Variants in CDC42BPG observed in about 807,000 individuals in gnomAD.
The protein encoded by CDC42BPG is serine/threonine-protein kinase MRCK gamma.
A neutral mutation model predicts 192.2 loss-of-function variants in CDC42BPG; 157 were observed. The ratio of observed to expected loss-of-function variants is 0.82; its 90% confidence interval spans 0.72 to 0.93. The LOEUF is 0.93. CDC42BPG is among the 40% of genes least tolerant of loss of function. The pLI is 0.00. For missense variants in CDC42BPG, 1,992 were observed against 2,122.1 expected (o/e 0.94, Z 1.20); for synonymous variants, 981 against 918.5 (o/e 1.07, Z -1.23).
intron 3 of CDC42BPG, among the ~76,000 whole-genome samples, chr11:64,841,119 C>T (rs2136404291): frequency 6.6e-6 from 1 of 150,534 alleles, no homozygotes; most frequent in East Asian, 2.0e-4. Context: ...CCACCGCACT[C>T]CAGCCTGGGT....
At chr11:64,827,878 C>T in intron 30 of CDC42BPG, 95 bp from the exon 31 acceptor site, 7 of 1,041,060 alleles carry the variant, frequency 6.7e-6, no homozygotes, top group Non-Finnish European at 8.3e-6. Flanking sequence ...CCATGCCCCA[C>T]GCTAAGGTCC....
At chr11:64,831,377 TG>T in intron 28 of CDC42BPG, 127 bp downstream of exon 28, 1 of 829,474 alleles carries the variant, frequency 1.2e-6, no homozygotes, top group Non-Finnish European at 1.9e-6. Flanking sequence ...AGCACATACG[TG>T]GTGCAAGGCA....
chr11:64,831,878 C>T (rs759110600), intron 27 of CDC42BPG, among the ~76,000 whole-genome samples, 157 bp from the exon 28 acceptor site: 3 of 152,240 alleles, frequency 2.0e-5, no homozygotes, highest in Admixed American at 1.3e-4. Flanking sequence ...CAGAGCCATG[C>T]GACCAGCGCC....
Position 64,836,705 on chromosome 11 carries a change from CTGGGGGGGG to C in CDC42BPG, c.1384+25_1384+33del, listed in dbSNP as rs753574911. 1.0e-3 allele frequency: 365 copies of C among 353,522 alleles called. 91 individuals are homozygous for C. The highest frequency in any genetic ancestry group is 1.7e-3 in the Middle Eastern group (2 of 1,192). The allele number at this position is 353,522 out of a possible 1,614,324, so 21.9% of individuals were successfully genotyped here. ...ACCCGAGCCCAGGTGGGACTCAGCC[CTGGGGGGGG>C]GGGGGGGGTGGGCGGAAGGGATACC... On this transcript the variant is annotated intron_variant, in intron 11 of 36. Transcript: ENST00000342711.
Position 64,832,427 on chromosome 11 carries a change from C to T in CDC42BPG, c.3087+1G>A. 4 of 1,613,558 alleles carry T rather than the reference C, an allele frequency of 2.5e-6. No homozygotes were observed. The highest frequency in any genetic ancestry group is 2.5e-6 in the Non-Finnish European group (3 of 1,179,778). ...TGCTCCATCTCATCCCAGGCACTCACCCTAAAGATGCGTGGCAGGTCCCTG... is the reference window on the plus strand; with the variant it reads ...TGCTCCATCTCATCCCAGGCACTCATCCTAAAGATGCGTGGCAGGTCCCTG... On this transcript the variant is annotated splice_donor_variant, in intron 27 of 36. Coordinates refer to ENST00000342711, the MANE Select transcript of CDC42BPG (RefSeq NM_017525.3). LOFTEE classifies it high-confidence loss of function.
chr11:64,837,935 C>T (rs925260223), intron 9 of CDC42BPG, 148 bp downstream of exon 9: 20 of 701,216 alleles, frequency 2.9e-5, no homozygotes, highest in Admixed American at 6.9e-5. Flanking sequence ...ACCAGGACCC[C>T]GAGGATGAGG....
chr11:64,839,137 C>T lies in CDC42BPG; in HGVS notation c.772G>A (p.Asp258Asn). 4.3e-6 allele frequency: 7 copies of T among 1,613,532 alleles called. No individual in the cohort carries two copies. The highest frequency in any genetic ancestry group is 5.1e-6 in the Non-Finnish European group (6 of 1,180,022). The change falls in exon 7 of 37, where the codon GAC becomes AAC. Residue 258 changes from aspartate to asparagine, a missense_variant. Physicochemically the swap from Asp to Asn is conservative, Grantham distance 23. Around this residue, in one of 2 missense-constraint regions of CDC42BPG, gnomAD observed 1,656 missense variants for 1,844.3 expected, o/e 0.90. Transcript: ENST00000342711. ...EGKGHYGPQC[D>N]WWSLGVCAYE... ...GCGCAGACTCCAAGCGACCACCAGT[C>T]ACACTGTGGGCCGTAGTGGCCCTTG...
chr11:64,826,336 C>G lies in CDC42BPG; in HGVS notation c.4599+134G>C. On this transcript the variant is annotated intron_variant, in intron 36 of 36. Transcript: ENST00000342711. Reference sequence around the variant, plus strand: ...CTGGTGGGGTGAGACAGGTAAGAATCTGCATCTCGTAGAATCGAGGGCAGG... The same window carrying G: ...CTGGTGGGGTGAGACAGGTAAGAATGTGCATCTCGTAGAATCGAGGGCAGG... 4.4e-6 allele frequency: 3 copies of G among 678,434 alleles called. No individual in the cohort carries two copies. The South Asian group carries it at 5.2e-5, about 12-fold the overall frequency. The allele number at this position is 678,434 out of a possible 1,614,324, so 42.0% of individuals were successfully genotyped here.
chr11:64,824,826 C>T (rs1421412487), intron 36 of CDC42BPG, among the ~76,000 whole-genome samples: 4 of 152,168 alleles, frequency 2.6e-5, no homozygotes, highest in African/African-American at 7.2e-5. Context: ...TGGCTCACTG[C>T]AACCTCTGCC....
In CDC42BPG at chr11:64,823,588, C is replaced by T. The variant is rs768628767; in HGVS notation, c.*885G>A. On this transcript the variant is annotated 3_prime_UTR_variant, in exon 37 of 37. Coordinates refer to ENST00000342711, the MANE Select transcript of CDC42BPG (RefSeq NM_017525.3). ...TCCAATACACAACTGGTTGAAGATT[C>T]GAGAAAAACGACCCCCTTTCTGGGA... 1.3e-5 allele frequency: 2 copies of T among 152,068 alleles called. No homozygotes were observed. The highest frequency in any genetic ancestry group is 2.1e-4 in the South Asian group (1 of 4,822). The allele number at this position is 152,068 out of a possible 1,614,324, so 9.4% of individuals were successfully genotyped here. A position where few individuals can be genotyped will look rare whatever the true frequency, so the allele number is the denominator to read the frequency against.
chr11:64,824,101 T>G lies in CDC42BPG; in HGVS notation c.*372A>C, dbSNP rs1205573354. 5 of 327,374 alleles carry G rather than the reference T, an allele frequency of 1.5e-5. No individual in the cohort carries two copies. The Admixed American group carries it at 2.2e-4, about 15-fold the overall frequency. 20.3% of individuals were successfully genotyped at this position (327,374 alleles called of 1,614,324 possible). ...AGTCAGACAGTCCACAGATAAGACC[T>G]CCAACCTGTTCCCAGAGACCCAGTC... On this transcript the variant is annotated 3_prime_UTR_variant, in exon 37 of 37. Transcript: ENST00000342711.
At position 64,841,838 on chromosome 11, in the gene CDC42BPG, A is replaced by G. The variant is rs1027931396; in HGVS notation, c.227T>C (p.Val76Ala). The change falls in exon 2 of 37, where the codon GTG becomes GCG. Residue 76 changes from valine to alanine, a missense_variant. This residue lies in a region of CDC42BPG where 1,656 missense variants were observed against 1,844.3 expected (regional missense o/e 0.90). Transcript: ENST00000342711. ...CTCCCCAAAGGCTCCTCGGCCGATCACCTTCAAGATCTCAAAGTCATCTCT... is the reference window on the plus strand; with the variant it reads ...CTCCCCAAAGGCTCCTCGGCCGATCGCCTTCAAGATCTCAAAGTCATCTCT... ...LQRDDFEILKVIGRGAFGEVT... is the reference protein window; with the variant it reads ...LQRDDFEILKAIGRGAFGEVT... 1.2e-6 allele frequency: 2 copies of G among 1,613,780 alleles called. No individual in the cohort carries two copies. Among genetic ancestry groups the G allele is most frequent in the African/African-American group, 2.7e-5 (2 of 74,884 alleles).
chr11:64,834,914 T>C lies in CDC42BPG; in HGVS notation c.2110A>G (p.Lys704Glu). 6.2e-7 allele frequency: 1 copy of C among 1,614,132 alleles called. No individual in the cohort carries two copies. The highest frequency in any genetic ancestry group is 8.5e-7 in the Non-Finnish European group (1 of 1,180,024). Residue 704 changes from lysine to glutamate, a missense_variant, in exon 18 of 37, where the codon AAG becomes GAG. Around this residue, in one of 2 missense-constraint regions of CDC42BPG, gnomAD observed 1,656 missense variants for 1,844.3 expected, o/e 0.90. Coordinates refer to ENST00000342711, the MANE Select transcript of CDC42BPG (RefSeq NM_017525.3). ...AAGGACTCCAGCTCCTCTGCCATCT[T>C]GGTGGCCAGGGCCTGCAGGTAGCCT... ...SRGYLQALAT[K>E]MAEELESLRN...
chr11:64,826,451 G>C lies in CDC42BPG; in HGVS notation c.4599+19C>G, dbSNP rs200346114. 6.4e-7 allele frequency: 1 copy of C among 1,559,492 alleles called. No individual in the cohort carries two copies. Among genetic ancestry groups the C allele is most frequent in the Non-Finnish European group, 8.7e-7 (1 of 1,144,350 alleles). On this transcript the variant is annotated intron_variant, in intron 36 of 36. Coordinates refer to ENST00000342711, the MANE Select transcript of CDC42BPG (RefSeq NM_017525.3). ...TGACGTTTGAATAGGGGACGGACAA[G>C]CCTCCCGGACCCGCTCACCTGCATT... is the stretch of plus-strand genomic sequence containing the variant.
chr11:64,829,910 A>G lies in CDC42BPG; in HGVS notation c.3528T>C (p.Ser1176=), dbSNP rs1227263136. ...IEVAGAKIPE[S]RGCQVLAAGS... Reference sequence around the variant, plus strand: ...CAGCTGCCAGCACCTGGCAGCCTCGAGACTCGGGGATCTTGGCACCTGCTA... The same window carrying G: ...CAGCTGCCAGCACCTGGCAGCCTCGGGACTCGGGGATCTTGGCACCTGCTA... Residue 1176 remains serine (S), a synonymous_variant, in exon 30 of 37, where the codon TCT becomes TCC. Coordinates refer to ENST00000342711, the MANE Select transcript of CDC42BPG (RefSeq NM_017525.3). 44 of 1,610,002 alleles carry G rather than the reference A, an allele frequency of 2.7e-5. No homozygotes were observed. Among genetic ancestry groups the G allele is most frequent in the Non-Finnish European group, 3.5e-5 (41 of 1,178,726 alleles).
chr11:64,834,795 C>T (rs1340754652), intron 18 of CDC42BPG, 54 bp downstream of exon 18: 42 of 1,539,742 alleles, frequency 2.7e-5, no homozygotes, highest in Non-Finnish European at 3.3e-5. Flanking sequence ...GCTGAGCTCA[C>T]GGAAGGTCAG....
Position 64,833,750 on chromosome 11 carries a change from G to A in CDC42BPG, c.2553C>T (p.Ser851=), listed in dbSNP as rs1409990155. ...CACCTGTCCTCACCCCCATGCGCAG[G>A]CTGCGTCGGCCCTCCGGCCTCAGAT... ...EPDLRPEGRR[S]LRMGAVFPRA... is the part of the protein sequence containing the mutation. The change falls in exon 22 of 37, where the codon AGC becomes AGT. Residue 851 remains serine, a synonymous_variant. Transcript: ENST00000342711. The A allele has an allele frequency of 1.2e-6, 2 of 1,614,086 alleles. No individual in the cohort carries two copies.
intron 11 of CDC42BPG, 72 bp downstream of exon 11, chr11:64,836,667 A>G (rs1182827373): frequency 1.1e-6 from 1 of 872,052 alleles, no homozygotes; most frequent in Admixed American, 3.1e-5. Flanking sequence ...CAGCTTGTCC[A>G]GGGCAGGGCA....
chr11:64,826,709 G>T lies in CDC42BPG; in HGVS notation c.4475C>A (p.Ser1492Tyr). ...SFSEALRRPASMGSEGLGGDA... is the reference protein window; with the variant it reads ...SFSEALRRPAYMGSEGLGGDA... Reference sequence around the variant, plus strand: ...TCCACCGAGGCCTTCGCTGCCCATGGAGGCTGGGCGCCGCAACGCCTCGGA... The same window carrying T: ...TCCACCGAGGCCTTCGCTGCCCATGTAGGCTGGGCGCCGCAACGCCTCGGA... The change falls in exon 35 of 37, where the codon TCC becomes TAC. Residue 1492 changes from serine to tyrosine, a missense_variant. By Grantham distance (144) the Ser-to-Tyr change is moderately radical. Around this residue, in one of 2 missense-constraint regions of CDC42BPG, gnomAD observed 336 missense variants for 277.9 expected, o/e 1.21. Transcript: ENST00000342711. 1.3e-6 allele frequency: 2 copies of T among 1,555,558 alleles called. No individual in the cohort carries two copies. The highest frequency in any genetic ancestry group is 1.7e-6 in the Non-Finnish European group (2 of 1,151,162).
Sources: gnomAD v4.1 joint callset for allele counts (sites outside exome capture counted in the v4.1 genomes callset) on GRCh38, gnomAD v4.1.1 for gene constraint, gnomAD v4.1.1 regional missense constraint, MANE v1.5 for transcripts, NCBI Gene and HGNC (gene_info 2026-07-23, HGNC 2026-07-21) for gene names.